Variants in ADAMTS20 observed in about 807,000 individuals in gnomAD.
The protein encoded by ADAMTS20 is ADAM metallopeptidase with thrombospondin type 1 motif 20.
A neutral mutation model predicts 260.1 loss-of-function variants in ADAMTS20; 225 were observed. The ratio of observed to expected loss-of-function variants is 0.87; its 90% CI spans 0.78 to 0.97. ADAMTS20 has a LOEUF of 0.97. ADAMTS20 is among the 50% of genes least tolerant of loss of function. The pLI is 0.00. For missense variants in ADAMTS20, 2,400 were observed against 2,337.7 expected, an observed-to-expected ratio of 1.03 and a Z score of -0.55; for synonymous variants, 802 against 769.5, an observed-to-expected ratio of 1.04 and a Z score of -0.70.
chr12:43,520,381 G>C (rs543570246), intron 3 of ADAMTS20, among the ~76,000 whole-genome samples: 1 of 152,218 alleles, frequency 6.6e-6, no homozygotes, highest in Non-Finnish European at 1.5e-5. Context: ...GGTGGTCCAG[G>C]AAGAGCACTT....
intron 7 of ADAMTS20, among the ~76,000 whole-genome samples, chr12:43,477,355 A>G (rs1294130367): frequency 6.6e-6 from 1 of 152,156 alleles, no homozygotes; most frequent in Non-Finnish European, 1.5e-5. Context: ...ATAATGCAAG[A>G]AATATATTCA....
At chr12:43,438,888 T>A (rs1203639955) in intron 18 of ADAMTS20, among the ~76,000 whole-genome samples, 3 of 152,230 alleles carry the variant, frequency 2.0e-5, no homozygotes, top group Non-Finnish European at 4.4e-5. Flanking sequence ...GTATCTATAG[T>A]ACTGTATTTA....
At chr12:43,532,311 T>A in intron 2 of ADAMTS20, 116 bp from the exon 3 acceptor site, 1 of 876,130 alleles carries the variant, frequency 1.1e-6, no homozygotes, top group South Asian at 1.9e-5. Context: ...GTCTGTTCAC[T>A]AAGAGCCATC....
chr12:43,505,943 C>G (rs1457986726), intron 3 of ADAMTS20, among the ~76,000 whole-genome samples: 2 of 152,106 alleles, frequency 1.3e-5, no homozygotes, highest in Admixed American at 1.3e-4. Context: ...TATACACATA[C>G]AATGAAATAT....
At chr12:43,424,955 A>G (rs992193588) in intron 28 of ADAMTS20, among the ~76,000 whole-genome samples, 1 of 152,182 alleles carries the variant, frequency 6.6e-6, no homozygotes, top group Non-Finnish European at 1.5e-5. Flanking sequence ...TGGAGAAGAC[A>G]AAGTGTATGC....
At chr12:43,523,869 T>TC (rs71091165) in intron 3 of ADAMTS20, among the ~76,000 whole-genome samples, 70,592 of 148,630 alleles carry the variant, frequency 0.47, 17,162 homozygotes, top group East Asian at 0.84. Flanking sequence ...AGCACCCCCC[T>TC]CCCCCAACCA....
At chr12:43,464,351 A>G (rs1173134833) in intron 10 of ADAMTS20, among the ~76,000 whole-genome samples, 2 of 152,120 alleles carry the variant, frequency 1.3e-5, no homozygotes, top group Admixed American at 1.3e-4. Flanking sequence ...CTAAATGAGA[A>G]TACTTCATAG....
chr12:43,402,184 A>C (rs1256408002), intron 28 of ADAMTS20, among the ~76,000 whole-genome samples: 1 of 151,982 alleles, frequency 6.6e-6, no homozygotes, highest in Non-Finnish European at 1.5e-5. Context: ...CATATCACCT[A>C]CAAAGTGGCA....
intron 29 of ADAMTS20, among the ~76,000 whole-genome samples, chr12:43,385,758 T>C (rs1388138514): frequency 6.6e-6 from 1 of 152,148 alleles, no homozygotes; most frequent in Non-Finnish European, 1.5e-5. Flanking sequence ...GATCAGATGG[T>C]TGTAGTTTTG....
intron 3 of ADAMTS20, among the ~76,000 whole-genome samples, chr12:43,505,258 C>T (rs768995677): frequency 3.6e-4 from 54 of 152,014 alleles, no homozygotes; most frequent in Non-Finnish European, 7.2e-4. Context: ...GCATCAAAAG[C>T]ACAGGCAACA....
intron 28 of ADAMTS20, among the ~76,000 whole-genome samples, chr12:43,415,569 A>G (rs139103720): frequency 1.3e-3 from 198 of 152,308 alleles, no homozygotes; most frequent in African/African-American, 4.5e-3. Flanking sequence ...GCCCTATTTC[A>G]ACCACTTTTC....
At chr12:43,453,590 G>A (rs1941909268) in intron 12 of ADAMTS20, among the ~76,000 whole-genome samples, 1 of 151,872 alleles carries the variant, frequency 6.6e-6, no homozygotes, top group African/African-American at 2.4e-5. Flanking sequence ...GTTTCATTAG[G>A]CATACAGTAA....
At chr12:43,361,599 A>G (rs1171643752) in intron 37 of ADAMTS20, among the ~76,000 whole-genome samples, 1 of 152,248 alleles carries the variant, frequency 6.6e-6, no homozygotes, top group Non-Finnish European at 1.5e-5. Context: ...CTGTTTCTTC[A>G]GCTATAAACT....
In ADAMTS20 at chr12:43,443,817, G is replaced by C. The variant is rs1436853130; in HGVS notation, c.2264C>G (p.Ser755Cys). ...AAGGTAACTGTCATCTGGTTGTCCA[G>C]AATAGCTGTACTGACGAATGTCAAC... ...TNVDIRQYSYSGQPDDSYLAL... is the reference protein window; with the variant it reads ...TNVDIRQYSYCGQPDDSYLAL... The change falls in exon 16 of 39, where the codon TCT becomes TGT. Residue 755 changes from serine (S) to cysteine (C), a missense_variant. Ser to Cys is a moderately radical substitution (Grantham distance 112, BLOSUM62 -1). Coordinates refer to ENST00000389420, the MANE Select transcript of ADAMTS20 (RefSeq NM_025003.5). 1 of 1,612,462 alleles carries C rather than the reference G, an allele frequency of 6.2e-7. No homozygotes were observed. The highest frequency in any genetic ancestry group is 1.1e-5 in the South Asian group (1 of 90,894).
At chr12:43,481,658 T>C (rs1288197783) in intron 7 of ADAMTS20, among the ~76,000 whole-genome samples, 1 of 152,344 alleles carries the variant, frequency 6.6e-6, no homozygotes, top group Non-Finnish European at 1.5e-5. Context: ...CCAAATAATC[T>C]GTTGCATTTC....
intron 15 of ADAMTS20, among the ~76,000 whole-genome samples, chr12:43,445,805 T>C (rs1271902563): frequency 2.0e-5 from 3 of 152,138 alleles, no homozygotes; most frequent in Non-Finnish European, 4.4e-5. Context: ...TGAGCTATGA[T>C]TGTGCCACTG....
In ADAMTS20 at chr12:43,375,452, G is replaced by A; in HGVS notation, c.5373C>T (p.Asp1791=). Residue 1791 remains aspartate (D), a synonymous_variant, in exon 36 of 39, where the codon GAC becomes GAT. Coordinates refer to ENST00000389420, the MANE Select transcript of ADAMTS20 (RefSeq NM_025003.5). Reference sequence around the variant, plus strand: ...TGTATCCAGCAGCTAAGTGTCCATTGTCACATTCACAGTCTTCCCTTCTAC... The same window carrying A: ...TGTATCCAGCAGCTAAGTGTCCATTATCACATTCACAGTCTTCCCTTCTAC... ...NGSRREDCEC[D]NGHLAAGYTV... 6.2e-7 allele frequency: 1 copy of A among 1,613,378 alleles called. No individual in the cohort carries two copies. Among genetic ancestry groups the A allele is most frequent in the Non-Finnish European group, 8.5e-7 (1 of 1,179,454 alleles).
chr12:43,383,921 T>G lies in ADAMTS20; in HGVS notation c.4509A>C (p.Lys1503Asn), dbSNP rs746615020. The change falls in exon 30 of 39, where the codon AAA becomes AAC. Residue 1503 changes from lysine (K) to asparagine (N), a missense_variant. Coordinates refer to ENST00000389420, the MANE Select transcript of ADAMTS20 (RefSeq NM_025003.5). ...VQQRDVYCRL[K>N]GVGQVVEEMC... ...TTTCTTCAACCACCTGACCAACACC[T>G]TTCAGTCTGCAGTATACATCCCTCT... The G allele has an allele frequency of 1.9e-6, 3 of 1,613,888 alleles. No individual in the cohort carries two copies. Among genetic ancestry groups the G allele is most frequent in the Non-Finnish European group, 2.5e-6 (3 of 1,179,846 alleles).
At chr12:43,387,918 C>T (rs562695020) in intron 29 of ADAMTS20, among the ~76,000 whole-genome samples, 20 of 152,136 alleles carry the variant, frequency 1.3e-4, no homozygotes, top group African/African-American at 2.7e-4. Context: ...ATCAGACTGC[C>T]GTGCTGGCAG....
Sources: allele counts gnomAD v4.1 joint callset (sites outside exome capture counted in the v4.1 genomes callset), GRCh38; gene constraint gnomAD v4.1.1; transcripts MANE v1.5; gene names NCBI Gene and HGNC (gene_info 2026-07-23, HGNC 2026-07-21).